SPTAN1: variants seen among roughly 807,000 people sequenced by gnomAD.
SPTAN1 encodes the protein spectrin alpha, non-erythrocytic 1, also known as spectrin alpha chain, non-erythrocytic 1.
Under a neutral mutation model 331.3 loss-of-function variants are expected in SPTAN1, and 61 were observed. The observed-to-expected ratio is 0.18, with a 90% CI of 0.15 to 0.23. The LOEUF (loss-of-function observed/expected upper bound fraction) is 0.23, where lower values mean the gene tolerates loss of function less well. SPTAN1 is among the 10% of genes least tolerant of loss of function. SPTAN1 has a pLI of 1.00. For synonymous variants in SPTAN1, 1,153 were observed against 1,173.9 expected (o/e 0.98, Z 0.36); for missense variants, 2,043 against 3,147.9 (o/e 0.65, Z 8.40).
chr9:128,629,905 C>T lies in SPTAN1; in HGVS notation c.6708-416C>T, dbSNP rs1477214836. 3 of 351,160 alleles carry T rather than the reference C, an allele frequency of 8.5e-6. No homozygotes were observed. In the Admixed American group the frequency reaches 1.1e-4, roughly 13 times the overall value. The allele number at this position is 351,160 out of a possible 1,614,324, so 21.8% of individuals were successfully genotyped here. A position where few individuals can be genotyped will look rare whatever the true frequency, so the allele number is the denominator to read the frequency against. ...ACACTCCAGGGTTTCTGTGGGGAGG[C>T]TGTCAGGTTCTCAGCCTCCCCTCTG... On this transcript the variant is annotated intron_variant, in intron 51 of 56. Transcript: ENST00000372739. The surrounding 1 kb of genome is among the most constrained non-coding windows in gnomAD (Gnocchi z 4.9).
chr9:128,582,285 G>A (rs1852040644), intron 12 of SPTAN1, among the ~76,000 whole-genome samples, 194 bp from the exon 13 acceptor site: 1 of 151,956 alleles, frequency 6.6e-6, no homozygotes, highest in Non-Finnish European at 1.5e-5. Context: ...GCAGTCTTAT[G>A]ATATCTGACT....
Position 128,625,027 on chromosome 9 carries a change from CTG to C in SPTAN1, c.5993-75_5993-74del, listed in dbSNP as rs539211594. On this transcript the variant is annotated intron_variant, in intron 46 of 56. Transcript: ENST00000372739. The surrounding 1 kb of genome is among the most constrained non-coding windows in gnomAD (Gnocchi z 4.1). ...TATCTGTACACAAAAAATGGTTTGTCTGGGTTTTGATGTTTTTCCTTTCTAAT... is the reference window on the plus strand; with the variant it reads ...TATCTGTACACAAAAAATGGTTTGTCGGTTTTGATGTTTTTCCTTTCTAAT... 7 of 1,421,000 alleles carry C rather than the reference CTG, an allele frequency of 4.9e-6. No homozygotes were observed. Among genetic ancestry groups the C allele is most frequent in the Non-Finnish European group, 7.0e-6 (7 of 1,005,308 alleles). 88.0% of individuals were successfully genotyped at this position (1,421,000 alleles called of 1,614,324 possible).
At chr9:128,602,659 G>A (rs571451003) in intron 27 of SPTAN1, among the ~76,000 whole-genome samples, 19 of 149,380 alleles carry the variant, frequency 1.3e-4, no homozygotes, top group Non-Finnish European at 1.8e-4. Flanking sequence ...TTTTCGAGTC[G>A]GAGTCTTGCT....
Position 128,608,959 on chromosome 9 carries a change from G to T in SPTAN1, c.4577G>T (p.Arg1526Leu). Residue 1526 changes from arginine to leucine, a missense_variant, in exon 35 of 57, where the codon CGC becomes CTC. Coordinates refer to ENST00000372739, the MANE Select transcript of SPTAN1 (RefSeq NM_001130438.3). ...HYAKGDISSR[R>L]NEVLDRWRRL... ...GCCAAGGGAGACATTTCTAGCCGGCGCAATGAGGTCTTGGACAGGTGGGTG... is the reference window on the plus strand; with the variant it reads ...GCCAAGGGAGACATTTCTAGCCGGCTCAATGAGGTCTTGGACAGGTGGGTG... The T allele has an allele frequency of 6.2e-7, 1 of 1,614,210 alleles. No homozygotes were observed. Among genetic ancestry groups the T allele is most frequent in the Non-Finnish European group, 8.5e-7 (1 of 1,180,032 alleles).
intron 4 of SPTAN1, 127 bp downstream of exon 4, chr9:128,574,942 G>A: frequency 7.4e-7 from 1 of 1,359,364 alleles, no homozygotes; most frequent in Admixed American, 1.8e-5. Context: ...GTGGAAGTGG[G>A]GTTGCTGTCT....
intron 29 of SPTAN1, 96 bp from the exon 30 acceptor site, chr9:128,604,934 GTAAA>G (rs544418154): frequency 0.012 from 15,193 of 1,225,002 alleles, 151 homozygotes; most frequent in Non-Finnish European, 0.015. Context: ...CTCCATCTCA[GTAAA>G]TAAATAAATA....
At chr9:128,555,938 C>T (rs773503642) in intron 1 of SPTAN1, among the ~76,000 whole-genome samples, 18 of 151,970 alleles carry the variant, frequency 1.2e-4, no homozygotes, top group Non-Finnish European at 2.2e-4. Flanking sequence ...AAATAGCTCT[C>T]GGGCTGGGTG....
At chr9:128,616,975 C>A (rs887823631) in intron 41 of SPTAN1, among the ~76,000 whole-genome samples, 1 of 152,002 alleles carries the variant, frequency 6.6e-6, no homozygotes, top group Non-Finnish European at 1.5e-5. Flanking sequence ...TGGTGGCTCA[C>A]GCCTATAATC....
rs1456233812 is a variant in SPTAN1, at chr9:128,624,400, G to A, written c.5905G>A (p.Ala1969Thr). 1 of 1,614,040 alleles carries A rather than the reference G, an allele frequency of 6.2e-7. No individual in the cohort carries two copies. The highest frequency in any genetic ancestry group is 1.1e-5 in the South Asian group (1 of 91,078). ...LNGKVSDLEK[A>T]AAQRKAKLDE... ...CGGGAAAGTGTCAGACCTGGAGAAA[G>A]CTGCAGCCCAGAGAAAGGCGAAGCT... Residue 1969 changes from alanine to threonine, a missense_variant, in exon 46 of 57, where the codon GCT (alanine) becomes ACT (threonine). Ala to Thr is a moderately conservative substitution (Grantham distance 58). Transcript: ENST00000372739.
At position 128,586,033 on chromosome 9, in the gene SPTAN1, TAGG is replaced by T. The variant is rs150632298; in HGVS notation, c.2778+71_2778+73del. ...ACAGGGCTTGTACTGAGAAGGAAGT[TAGG>T]AGAAGTAGTGATGCGCGGGAGGTGT... On this transcript the variant is annotated intron_variant, in intron 19 of 56. Transcript: ENST00000372739. 3.9e-3 allele frequency: 5,530 copies of T among 1,426,340 alleles called. 162 individuals are homozygous for T. In the African/African-American group the frequency reaches 0.069, roughly 18 times the overall value. The allele number at this position is 1,426,340 out of a possible 1,614,324, so 88.4% of individuals were successfully genotyped here.
Position 128,626,399 on chromosome 9 carries a change from C to A in SPTAN1, c.6288C>A (p.Asp2096Glu). The change falls in exon 49 of 57, where the codon GAC becomes GAA. Residue 2096 changes from aspartate (D) to glutamate (E), a missense_variant. Coordinates refer to ENST00000372739, the MANE Select transcript of SPTAN1 (RefSeq NM_001130438.3). Reference sequence around the variant, plus strand: ...GTCTCTTCTGCTTCCAGGTGGAGGACCTCTTCCTGACCTTCGCCAAAAAGG... The same window carrying A: ...GTCTCTTCTGCTTCCAGGTGGAGGAACTCTTCCTGACCTTCGCCAAAAAGG... ...EAQSHFRKVE[D>E]LFLTFAKKAS... is the part of the protein sequence containing the mutation. 1.2e-6 allele frequency: 2 copies of A among 1,614,012 alleles called. No individual in the cohort carries two copies. The highest frequency in any genetic ancestry group is 8.5e-7 in the Non-Finnish European group (1 of 1,180,046).
In SPTAN1 at chr9:128,629,059, C is replaced by A; in HGVS notation, c.6707+1117C>A. On this transcript the variant is annotated intron_variant, in intron 51 of 56. Coordinates refer to ENST00000372739, the MANE Select transcript of SPTAN1 (RefSeq NM_001130438.3). The surrounding 1 kb of genome is among the most constrained non-coding windows in gnomAD (Gnocchi z 4.9). ...CTGCCAGCTTGGGCTTTGTGTGTGT[C>A]TGTTGCAGTGTGCTCTTGCCTCCCC... is the stretch of plus-strand genomic sequence containing the variant. The A allele has an allele frequency of 2.5e-6, 1 of 398,418 alleles. No individual in the cohort carries two copies. Among genetic ancestry groups the A allele is most frequent in the South Asian group, 1.3e-4 (1 of 7,822 alleles). The allele number at this position is 398,418 out of a possible 1,614,324, so 24.7% of individuals were successfully genotyped here. A position where few individuals can be genotyped will look rare whatever the true frequency, so the allele number is the denominator to read the frequency against.
At chr9:128,601,659 A>G (rs1232141048) in intron 27 of SPTAN1, among the ~76,000 whole-genome samples, 2 of 152,230 alleles carry the variant, frequency 1.3e-5, no homozygotes, top group African/African-American at 4.8e-5. Flanking sequence ...AACAAAAAGT[A>G]AAAAGAAATT....
intron 52 of SPTAN1, among the ~76,000 whole-genome samples, chr9:128,631,111 C>T (rs1422709216): frequency 6.6e-6 from 1 of 152,160 alleles, no homozygotes; most frequent in African/African-American, 2.4e-5. Context: ...TCCCAAAGTG[C>T]TGGGATTACA....
chr9:128,624,763 C>G, intron 46 of SPTAN1: 1 of 565,572 alleles, frequency 1.8e-6, no homozygotes, highest in East Asian at 3.1e-5. Flanking sequence ...ATGGCATGAA[C>G]AAAGTTGGCA....
rs770391198 is a variant in SPTAN1, at chr9:128,605,021, G to A, written c.3720-13G>A. The A allele has an allele frequency of 6.2e-7, 1 of 1,614,030 alleles. No individual in the cohort carries two copies. The highest frequency in any genetic ancestry group is 8.5e-7 in the Non-Finnish European group (1 of 1,179,996). ...ACTTGGCATTTCTTAACCTGAATGT[G>A]TCTCGCCTTTAGAGATGCTGATGAA... is the stretch of plus-strand genomic sequence containing the variant. On this transcript the variant is annotated splice_polypyrimidine_tract_variant and intron_variant, in intron 29 of 56. Transcript: ENST00000372739.
chr9:128,624,925 A>G (rs1564312811), intron 46 of SPTAN1, 178 bp from the exon 47 acceptor site: 5 of 678,818 alleles, frequency 7.4e-6, no homozygotes, highest in African/African-American at 7.1e-5. Context: ...GTCATGGCAC[A>G]GATGGAGGCC....
chr9:128,555,316 CT>C (rs1207003781), intron 1 of SPTAN1: 1 of 1,275,448 alleles, frequency 7.8e-7, no homozygotes, highest in African/African-American at 1.5e-5. Flanking sequence ...CCCTTAGAAG[CT>C]TGTTATCTTG....
At chr9:128,586,818 TTTTC>T (rs1180730724) in intron 19 of SPTAN1, among the ~76,000 whole-genome samples, 3 of 23,718 alleles carry the variant, frequency 1.3e-4, no homozygotes, top group East Asian at 4.4e-3. Context: ...GAATTTTTCC[TTTTC>T]TTTTTTTTTT....
Sources: allele counts gnomAD v4.1 joint callset (sites outside exome capture counted in the v4.1 genomes callset), GRCh38; gene constraint gnomAD v4.1.1; non-coding constraint Gnocchi (gnomAD v3.1); transcripts MANE v1.5; gene names NCBI Gene and HGNC (gene_info 2026-07-23, HGNC 2026-07-21).